Variants in DRGX observed in about 807,000 individuals in gnomAD.
DRGX encodes dorsal root ganglia homeobox, also known as dorsal root ganglia homeobox protein.
Under a neutral mutation model 28.6 loss-of-function variants are expected in DRGX, and 21 were observed. That is an observed-to-expected ratio of 0.73 (90% CI 0.52 to 1.06). The LOEUF (loss-of-function observed/expected upper bound fraction) is 1.06. Ranked by LOEUF, DRGX falls within the 50% of genes least tolerant of loss-of-function variation. The pLI, the probability that DRGX is intolerant of heterozygous loss-of-function variation, is 0.00. For missense variants in DRGX, 354 were observed against 343.9 expected, an observed-to-expected ratio of 1.03 and a Z score of -0.23; for synonymous variants, 136 against 139.1, an observed-to-expected ratio of 0.98 and a Z score of 0.16.
intron 6 of DRGX, among the ~76,000 whole-genome samples, chr10:49,374,507 T>C (rs1849697199): frequency 6.6e-6 from 1 of 152,234 alleles, no homozygotes; most frequent in Admixed American, 6.5e-5. Context: ...AAGAGCCCTC[T>C]GGTCCTTAAA....
chr10:49,395,809 G>T, intron 1 of DRGX, 126 bp downstream of exon 1: 1 of 314,458 alleles, frequency 3.2e-6, no homozygotes, highest in Non-Finnish European at 6.0e-6. Flanking sequence ...CCTGCACCCG[G>T]GCCACCGCAG....
In DRGX at chr10:49,366,025, TCTC is replaced by T. The variant is rs1396562917; in HGVS notation, c.*88_*90del. 2 of 1,438,896 alleles carry T rather than the reference TCTC, an allele frequency of 1.4e-6. No homozygotes were observed. Among genetic ancestry groups the T allele is most frequent in the South Asian group, 2.9e-5 (2 of 67,806 alleles). 89.1% of individuals were successfully genotyped at this position (1,438,896 alleles called of 1,614,324 possible). On this transcript the variant is annotated 3_prime_UTR_variant, in exon 7 of 7. Transcript: ENST00000374139. ...TGCAGAGGCCCTGGGGCCGCAGGCT[TCTC>T]CTTGCTATTTGGAGAGTTTTCTGTA...
Position 49,388,142 on chromosome 10 carries a change from T to C in DRGX, c.235-1284A>G, listed in dbSNP as rs140256476. 2.8e-4 allele frequency among the ~76,000 whole-genome samples: 43 copies of C among 152,324 alleles called. 1 individual carries two copies. The East Asian group carries it at 7.3e-3, about 26-fold the overall frequency. The stretch of plus-strand genomic sequence containing the variant: ...AGGTAGGTGCAGGGTTCTTTAAGCC[T>C]TAGAAACCAAAATTGTATTCTGTAG... On this transcript the variant is annotated intron_variant, in intron 4 of 6. Transcript: ENST00000374139.
chr10:49,392,731 C>T (rs1232450365), intron 2 of DRGX, among the ~76,000 whole-genome samples: 1 of 151,490 alleles, frequency 6.6e-6, no homozygotes, highest in Non-Finnish European at 1.5e-5. Flanking sequence ...TGACAGTTCA[C>T]CAAATTAATA....
chr10:49,389,824 T>TTTTC lies in DRGX; in HGVS notation c.234+305_234+308dup, dbSNP rs199760333. Among the ~76,000 whole-genome samples the TTTTC allele has an allele frequency of 2.8e-3, 420 of 151,976 alleles. 1 individual carries two copies. Among genetic ancestry groups the TTTTC allele is most frequent in the African/African-American group, 9.6e-3 (397 of 41,452 alleles). On this transcript the variant is annotated intron_variant, in intron 4 of 6. Coordinates refer to ENST00000374139, the MANE Select transcript of DRGX (RefSeq NM_001276451.2). ...TGCTTTTAGAATAGCATCTCAGCTCTTTTCTTTCTTTCTTTCTTTTTTTTT... is the reference window on the plus strand; with the variant it reads ...TGCTTTTAGAATAGCATCTCAGCTCTTTTCTTTCTTTCTTTCTTTCTTTTTTTTT...
rs142574927 is a variant in DRGX at position 49,393,916 on chromosome 10, A to C, written c.34+1491T>G. 2.1e-3 allele frequency among the ~76,000 whole-genome samples: 321 copies of C among 152,330 alleles called. 1 individual carries two copies. Among genetic ancestry groups the C allele is most frequent in the African/African-American group, 7.4e-3 (308 of 41,572 alleles). ...AACTCACTGCTGCAGTCCACCCCGCAGACAGACATTCATGACGTCCCCTAC... is the reference window on the plus strand; with the variant it reads ...AACTCACTGCTGCAGTCCACCCCGCCGACAGACATTCATGACGTCCCCTAC... On this transcript the variant is annotated intron_variant, in intron 2 of 6. Transcript: ENST00000374139.
chr10:49,392,542 TC>T (rs1849918137), intron 2 of DRGX, among the ~76,000 whole-genome samples: 1 of 152,224 alleles, frequency 6.6e-6, no homozygotes, highest in Admixed American at 6.5e-5. Flanking sequence ...AAACAAATTG[TC>T]TTTTTTTGAA....
Position 49,395,502 on chromosome 10 carries a change from C to T in DRGX, c.-62G>A. The T allele has an allele frequency of 6.5e-7, 1 of 1,530,982 alleles. No homozygotes were observed. The highest frequency in any genetic ancestry group is 8.8e-7 in the Non-Finnish European group (1 of 1,131,336). 94.8% of individuals were successfully genotyped at this position (1,530,982 alleles called of 1,614,324 possible). On this transcript the variant is annotated 5_prime_UTR_variant, in exon 2 of 7. Transcript: ENST00000374139. ...GGAGGGTGGCAGCAGAACGGACCCGCGCGCGTTGCTCCTGCCTGGCTGCAA... is the reference window on the plus strand; with the variant it reads ...GGAGGGTGGCAGCAGAACGGACCCGTGCGCGTTGCTCCTGCCTGGCTGCAA...
At chr10:49,381,029 C>T (rs192634354) in intron 6 of DRGX, among the ~76,000 whole-genome samples, 106 of 152,218 alleles carry the variant, frequency 7.0e-4, no homozygotes, top group Non-Finnish European at 1.4e-3. Flanking sequence ...AAGTACAGAG[C>T]GTTTCAGTGA....
chr10:49,371,006 TA>T (rs1849653269), intron 6 of DRGX, among the ~76,000 whole-genome samples: 1 of 152,078 alleles, frequency 6.6e-6, no homozygotes, highest in South Asian at 2.1e-4. Flanking sequence ...GTCATCACCC[TA>T]AAGAGAAAAG....
At chr10:49,389,923 G>C (rs1316574202) in intron 4 of DRGX, among the ~76,000 whole-genome samples, 2 of 150,860 alleles carry the variant, frequency 1.3e-5, no homozygotes, top group African/African-American at 4.9e-5. Flanking sequence ...AATTAGTGTA[G>C]AACATTATCA....
At chr10:49,366,564 C>T (rs1340315118) in intron 6 of DRGX, among the ~76,000 whole-genome samples, 183 bp from the exon 7 acceptor site, 1 of 152,224 alleles carries the variant, frequency 6.6e-6, no homozygotes, top group Non-Finnish European at 1.5e-5. Context: ...CCTAGTTAAT[C>T]GTTCAAAGGA....
chr10:49,368,984 G>A (rs1849627339), intron 6 of DRGX, among the ~76,000 whole-genome samples: 1 of 152,182 alleles, frequency 6.6e-6, no homozygotes, highest in African/African-American at 2.4e-5. Flanking sequence ...GGCCAGATGA[G>A]AAAGATGGGC....
At chr10:49,368,199 T>G (rs936290424) in intron 6 of DRGX, among the ~76,000 whole-genome samples, 1 of 152,188 alleles carries the variant, frequency 6.6e-6, no homozygotes, top group African/African-American at 2.4e-5. Context: ...GTAAGAAAAC[T>G]GAGGCTCCAG....
intron 6 of DRGX, among the ~76,000 whole-genome samples, chr10:49,372,405 G>T (rs1399884455): frequency 6.6e-6 from 1 of 152,180 alleles, no homozygotes; most frequent in African/African-American, 2.4e-5. Context: ...GGTGGTAGAA[G>T]AAGTCTGGCC....
intron 2 of DRGX, among the ~76,000 whole-genome samples, chr10:49,394,596 A>G (rs1312529673): frequency 2.0e-5 from 3 of 152,178 alleles, no homozygotes; most frequent in Non-Finnish European, 4.4e-5. Flanking sequence ...CCCTGATGTG[A>G]AGACCCCATC....
intron 2 of DRGX, among the ~76,000 whole-genome samples, chr10:49,391,505 CA>C (rs1305696668): frequency 1.3e-5 from 2 of 152,166 alleles, no homozygotes; most frequent in African/African-American, 4.8e-5. Context: ...CCAAGATGGC[CA>C]ATTTCAATTC....
At position 49,391,068 on chromosome 10, in the gene DRGX, T is replaced by C. The variant is rs1340315501; in HGVS notation, c.132+96A>G. ...AGAAAGATTCAGTTAGCATAATCAA[T>C]TGGTCTTATTTTAAAAGACAAAGAA... On this transcript the variant is annotated intron_variant, in intron 3 of 6. Coordinates refer to ENST00000374139, the MANE Select transcript of DRGX (RefSeq NM_001276451.2). 5 of 1,297,338 alleles carry C rather than the reference T, an allele frequency of 3.9e-6. No individual in the cohort carries two copies. In the East Asian group the frequency reaches 7.1e-5, roughly 18 times the overall value. The allele number at this position is 1,297,338 out of a possible 1,614,324, so 80.4% of individuals were successfully genotyped here.
At chr10:49,390,958 T>C (rs1849896191) in intron 3 of DRGX, among the ~76,000 whole-genome samples, 1 of 152,214 alleles carries the variant, frequency 6.6e-6, no homozygotes, top group Admixed American at 6.5e-5. Context: ...TTGTTGCCTC[T>C]TCACTCATCT....
Sources: allele counts gnomAD v4.1 joint callset (sites outside exome capture counted in the v4.1 genomes callset), GRCh38; gene constraint gnomAD v4.1.1; transcripts MANE v1.5; gene names NCBI Gene and HGNC (gene_info 2026-07-23, HGNC 2026-07-21).